DCC: variants seen among roughly 807,000 people sequenced by gnomAD.
DCC encodes the protein DCC netrin 1 receptor.
A neutral mutation model predicts 172.5 loss-of-function variants in DCC; 58 were observed. The ratio of observed to expected loss-of-function variants is 0.34; its 90% CI spans 0.27 to 0.42. DCC has a LOEUF of 0.42. DCC is among the 10% of genes least tolerant of loss of function. The probability of loss-of-function intolerance (pLI) is 1.00; values close to 1 mark genes in which losing one functional copy is unlikely to be tolerated. For missense variants in DCC, 1,740 were observed against 1,791.0 expected (o/e 0.97, Z 0.51); for synonymous variants, 709 against 644.5 (o/e 1.10, Z -1.52).
chr18:52,984,324 G>A (rs1398825074), intron 5 of DCC, among the ~76,000 whole-genome samples: 1 of 152,020 alleles, frequency 6.6e-6, no homozygotes, highest in Non-Finnish European at 1.5e-5. Flanking sequence ...TCCAAAGAGT[G>A]GGAGGACTTA....
chr18:53,259,456 T>C (rs1175712166), intron 12 of DCC, among the ~76,000 whole-genome samples: 1 of 152,202 alleles, frequency 6.6e-6, no homozygotes, highest in Non-Finnish European at 1.5e-5. Flanking sequence ...ATTTTATTTC[T>C]CCTTCACTTC....
chr18:53,252,850 A>G (rs1014416984), intron 12 of DCC, among the ~76,000 whole-genome samples: 3 of 152,024 alleles, frequency 2.0e-5, no homozygotes, highest in Non-Finnish European at 2.9e-5. Flanking sequence ...TTATGGAGAT[A>G]GTTTGCATTT....
At chr18:53,020,309 T>C (rs1164202333) in intron 5 of DCC, among the ~76,000 whole-genome samples, 1 of 152,206 alleles carries the variant, frequency 6.6e-6, no homozygotes, top group Non-Finnish European at 1.5e-5. Flanking sequence ...AAAATAGTTC[T>C]TTTCATGAAA....
chr18:52,701,004 G>A (rs17682262), intron 1 of DCC, among the ~76,000 whole-genome samples: 55,699 of 151,964 alleles, frequency 0.37, 11,476 homozygotes, highest in Non-Finnish European at 0.47. Context: ...AAATTCCATT[G>A]GCCATGGTGG....
At chr18:53,182,226 G>A (rs186458287) in intron 9 of DCC, among the ~76,000 whole-genome samples, 1 of 152,282 alleles carries the variant, frequency 6.6e-6, no homozygotes, top group East Asian at 1.9e-4. Context: ...CTCTGCTTTA[G>A]AAACATGATG....
chr18:52,359,313 G>A lies in DCC; in HGVS notation c.91+18435G>A, dbSNP rs1207447192. On this transcript the variant is annotated intron_variant, in intron 1 of 28. Coordinates refer to ENST00000442544, the MANE Select transcript of DCC (RefSeq NM_005215.4). Reference sequence around the variant, plus strand: ...TATTTATGAAATTGTATGGTTTGAAGTGATGTGGTACATATTGCTTAAGAA... The same window carrying A: ...TATTTATGAAATTGTATGGTTTGAAATGATGTGGTACATATTGCTTAAGAA... Among the ~76,000 whole-genome samples the A allele has an allele frequency of 3.9e-5, 6 of 152,196 alleles. 1 individual carries two copies. The South Asian group carries it at 1.0e-3, about 26-fold the overall frequency.
rs985348265 is a variant in DCC, at chr18:53,002,925, C to T, written c.986-60380C>T. On this transcript the variant is annotated intron_variant, in intron 5 of 28. Coordinates refer to ENST00000442544, the MANE Select transcript of DCC (RefSeq NM_005215.4). ...AGCTGGGAGTGGAAGTGGCAAGTTC[C>T]TTTGTGTTTCTTTTTTTGATCCCAA... 4.6e-5 allele frequency among the ~76,000 whole-genome samples: 7 copies of T among 152,100 alleles called. No homozygotes were observed. In the East Asian group the frequency reaches 7.7e-4, roughly 17 times the overall value.
intron 1 of DCC, among the ~76,000 whole-genome samples, chr18:52,540,970 T>C (rs914431149): frequency 6.6e-5 from 10 of 152,104 alleles, no homozygotes; most frequent in African/African-American, 1.7e-4. Context: ...TGTATTGCAA[T>C]TGGGTGGTGA....
At chr18:52,853,000 C>A (rs1326917594) in intron 2 of DCC, among the ~76,000 whole-genome samples, 2 of 152,016 alleles carry the variant, frequency 1.3e-5, no homozygotes, top group Admixed American at 1.3e-4. Flanking sequence ...TTGACATAAT[C>A]CATTCATTTT....
chr18:53,002,056 CACTT>C (rs1352233809), intron 5 of DCC, among the ~76,000 whole-genome samples: 4 of 152,072 alleles, frequency 2.6e-5, no homozygotes, highest in Admixed American at 6.6e-5. Flanking sequence ...TTATTGTTAA[CACTT>C]AGTGTCTAGA....
At chr18:53,287,207 G>A (rs907959257) in intron 12 of DCC, among the ~76,000 whole-genome samples, 3 of 152,224 alleles carry the variant, frequency 2.0e-5, no homozygotes, top group African/African-American at 7.2e-5. Flanking sequence ...TGCCTATTAT[G>A]TACATTTTAC....
intron 2 of DCC, among the ~76,000 whole-genome samples, chr18:52,879,411 G>GTTTTT (rs1568164319): frequency 1.2e-3 from 55 of 44,962 alleles, no homozygotes; most frequent in African/African-American, 4.2e-3. Flanking sequence ...ATGTTGTTTG[G>GTTTTT]CTTTTTTTTT....
intron 12 of DCC, among the ~76,000 whole-genome samples, chr18:53,290,927 G>A (rs915156098): frequency 1.3e-5 from 2 of 152,168 alleles, no homozygotes; most frequent in South Asian, 2.1e-4. Context: ...CCAGCACTTT[G>A]GGAGGCTGAG....
chr18:52,412,234 G>T (rs1445962537), intron 1 of DCC, among the ~76,000 whole-genome samples: 1 of 152,028 alleles, frequency 6.6e-6, no homozygotes, highest in African/African-American at 2.4e-5. Context: ...GTATACACAT[G>T]TATGTATGTA....
chr18:53,240,228 T>G (rs1384032890), intron 12 of DCC, among the ~76,000 whole-genome samples: 1 of 152,000 alleles, frequency 6.6e-6, no homozygotes, highest in African/African-American at 2.4e-5. Context: ...TCAGATAAAC[T>G]TATAGACATG....
chr18:53,099,741 GGTC>G, intron 7 of DCC, among the ~76,000 whole-genome samples: 1 of 152,004 alleles, frequency 6.6e-6, no homozygotes, highest in African/African-American at 2.4e-5. Flanking sequence ...GGGGCTTCAG[GGTC>G]ATAGCAAGAA....
At chr18:53,392,651 T>C (rs1908631827) in intron 17 of DCC, among the ~76,000 whole-genome samples, 1 of 152,194 alleles carries the variant, frequency 6.6e-6, no homozygotes. Flanking sequence ...ATAGACAATA[T>C]ACAAATGTAG....
intron 5 of DCC, among the ~76,000 whole-genome samples, chr18:52,951,106 C>G (rs996045211): frequency 1.3e-5 from 2 of 152,032 alleles, no homozygotes; most frequent in African/African-American, 4.8e-5. Context: ...CTAGAAGCCA[C>G]TGTTCGGTAA....
chr18:52,641,120 A>G (rs2034883252), intron 1 of DCC, among the ~76,000 whole-genome samples: 1 of 152,202 alleles, frequency 6.6e-6, no homozygotes, highest in Non-Finnish European at 1.5e-5. Flanking sequence ...TGGGGAAGGG[A>G]CGCCCTTTTC....
Sources: gnomAD v4.1 joint callset for allele counts (sites outside exome capture counted in the v4.1 genomes callset) on GRCh38, gnomAD v4.1.1 for gene constraint, MANE v1.5 for transcripts, NCBI Gene and HGNC (gene_info 2026-07-23, HGNC 2026-07-21) for gene names.